PTCHD4: variants seen among roughly 807,000 people sequenced by gnomAD.
The protein encoded by PTCHD4 is patched domain-containing protein 4.
Under a neutral mutation model 58.1 loss-of-function variants are expected in PTCHD4, and 33 were observed. The ratio of observed to expected loss-of-function variants is 0.57; its 90% CI spans 0.43 to 0.76. PTCHD4 has a LOEUF of 0.76. Among genes scored for constraint, PTCHD4 ranks in the 30% least tolerant of loss-of-function variants. PTCHD4 has a pLI of 0.00. For synonymous variants in PTCHD4, 478 were observed against 409.6 expected (o/e 1.17, Z -2.02); for missense variants, 1,058 against 1,027.1 (o/e 1.03, Z -0.41).
At chr6:47,905,043 T>TCACACACACACA (rs70999653) in intron 4 of PTCHD4, among the ~76,000 whole-genome samples, 11,836 of 131,408 alleles carry the variant, frequency 0.09, 734 homozygotes, top group East Asian at 0.23. Context: ...AATACAGCCA[T>TCACACACACACA]CACACACACA....
intron 3 of PTCHD4, among the ~76,000 whole-genome samples, chr6:48,016,981 T>C (rs1043159454): frequency 1.3e-5 from 2 of 152,226 alleles, no homozygotes; most frequent in African/African-American, 4.8e-5. Flanking sequence ...TCAGATTTCA[T>C]TGATTTTCCA....
chr6:48,077,997 A>G (rs1765092113), intron 1 of PTCHD4, among the ~76,000 whole-genome samples: 1 of 152,216 alleles, frequency 6.6e-6, no homozygotes, highest in Non-Finnish European at 1.5e-5. Context: ...GACACCAATA[A>G]ACTCGTTCAA....
At chr6:47,900,297 T>C (rs1764657466) in intron 4 of PTCHD4, 1 of 152,208 alleles carries the variant, frequency 6.6e-6, no homozygotes. Flanking sequence ...GTTATTGCCT[T>C]ACTTCTTGAT....
rs75916808 is a variant in PTCHD4 at position 48,030,606 on chromosome 6, C to T, written c.418-21492G>A. 2.1e-3 allele frequency among the ~76,000 whole-genome samples: 319 copies of T among 152,210 alleles called. 1 individual carries two copies. The highest frequency in any genetic ancestry group is 6.5e-3 in the African/African-American group (271 of 41,534). On this transcript the variant is annotated intron_variant, in intron 3 of 4. Transcript: ENST00000339488. ...CTTTCATGTCTGCTGCTGTGTAGGC[C>T]ACTCAGAACATTCACCAGAATACCC... is the stretch of plus-strand genomic sequence containing the variant.
rs139545401 is a variant in PTCHD4 at position 47,984,019 on chromosome 6, G to A, written c.898+24615C>T. Among the ~76,000 whole-genome samples, 799 of 152,108 alleles carry A rather than the reference G, an allele frequency of 5.3e-3. 4 individuals carry two copies. The highest frequency in any genetic ancestry group is 8.4e-3 in the Non-Finnish European group (571 of 67,970). On this transcript the variant is annotated intron_variant, in intron 4 of 4. Coordinates refer to ENST00000339488, the MANE Select transcript of PTCHD4 (RefSeq NM_001384253.1). ...GTATTAGAAATAATATGCTGTAAATGCTTTGTGACAAACATCATCAATAAG... is the reference window on the plus strand; with the variant it reads ...GTATTAGAAATAATATGCTGTAAATACTTTGTGACAAACATCATCAATAAG...
At chr6:48,103,331 C>T (rs1403070342) in intron 1 of PTCHD4, among the ~76,000 whole-genome samples, 1 of 152,140 alleles carries the variant, frequency 6.6e-6, no homozygotes, top group African/African-American at 2.4e-5. Flanking sequence ...CTGCTGATAC[C>T]CAGGCAAACA....
At chr6:48,049,686 A>G (rs1345949453) in intron 3 of PTCHD4, among the ~76,000 whole-genome samples, 1 of 151,924 alleles carries the variant, frequency 6.6e-6, no homozygotes, top group South Asian at 2.1e-4. Context: ...ATCCATCATT[A>G]GGCCTTTACT....
intron 4 of PTCHD4, among the ~76,000 whole-genome samples, chr6:47,959,852 AG>A (rs372539213): frequency 1.3e-4 from 20 of 150,546 alleles, no homozygotes; most frequent in African/African-American, 4.7e-4. Flanking sequence ...AAATGTTAAA[AG>A]GAGTCTTCCA....
chr6:47,922,692 C>A (rs888976558), intron 4 of PTCHD4, among the ~76,000 whole-genome samples: 2 of 152,222 alleles, frequency 1.3e-5, no homozygotes, highest in African/African-American at 4.8e-5. Context: ...ATGTTCACAG[C>A]TGGCTGGTCA....
At chr6:48,033,289 A>T (rs150689263) in intron 3 of PTCHD4, among the ~76,000 whole-genome samples, 317 of 152,210 alleles carry the variant, frequency 2.1e-3, no homozygotes, top group African/African-American at 6.5e-3. Context: ...GATTGCAAGA[A>T]GCTGAGAGTG....
At chr6:47,936,030 T>A (rs1348772099) in intron 4 of PTCHD4, among the ~76,000 whole-genome samples, 2 of 152,154 alleles carry the variant, frequency 1.3e-5, no homozygotes, top group Non-Finnish European at 2.9e-5. Flanking sequence ...TTGAGTCTTA[T>A]CCTGAGTGAG....
chr6:47,934,235 C>T (rs1278613636), intron 4 of PTCHD4, among the ~76,000 whole-genome samples: 1 of 152,126 alleles, frequency 6.6e-6, no homozygotes, highest in Non-Finnish European at 1.5e-5. Flanking sequence ...AAGCTGCAGG[C>T]GGGAAGTGCT....
intron 4 of PTCHD4, among the ~76,000 whole-genome samples, chr6:47,969,139 A>G (rs1388108911): frequency 6.6e-6 from 1 of 152,234 alleles, no homozygotes; most frequent in Non-Finnish European, 1.5e-5. Flanking sequence ...CAGAGAAAGG[A>G]CTACAACTTA....
chr6:48,069,140 A>AGC lies in PTCHD4; in HGVS notation c.-184_-183insGC, dbSNP rs1245258493. Among the ~76,000 whole-genome samples, 9,375 of 47,112 alleles carry AGC rather than the reference A, an allele frequency of 0.2. 715 individuals carry two copies. Among genetic ancestry groups the AGC allele is most frequent in the East Asian group, 0.29 (289 of 990 alleles). The allele number at this position is 47,112 out of a possible 152,430, so 30.9% of individuals were successfully genotyped here. A position where few individuals can be genotyped will look rare whatever the true frequency, so the allele number is the denominator to read the frequency against. Reference sequence around the variant, plus strand: ...TAAGAAGCAGACATGTGCCCCATAAAGGGGGGGGGGGCTGAGGGGGGGAGA... The same window carrying AGC: ...TAAGAAGCAGACATGTGCCCCATAAAGCGGGGGGGGGGGCTGAGGGGGGGAGA... On this transcript the variant is annotated 5_prime_UTR_variant, in exon 2 of 5. The change abolishes the stop of an existing upstream ORF in the 5' untranslated region. Coordinates refer to ENST00000339488, the MANE Select transcript of PTCHD4 (RefSeq NM_001384253.1).
chr6:47,901,829 C>T, intron 4 of PTCHD4: 15 of 1,292,226 alleles, frequency 1.2e-5, no homozygotes, highest in Non-Finnish European at 1.4e-5. Flanking sequence ...TATAATCTTC[C>T]AAATGTGATA....
chr6:47,935,689 A>G (rs1765973511), intron 4 of PTCHD4, among the ~76,000 whole-genome samples: 1 of 152,176 alleles, frequency 6.6e-6, no homozygotes. Context: ...CATTTATTCA[A>G]CAAATATATA....
At chr6:48,042,405 T>A (rs191543126) in intron 3 of PTCHD4, among the ~76,000 whole-genome samples, 5 of 152,118 alleles carry the variant, frequency 3.3e-5, no homozygotes, top group Admixed American at 3.3e-4. Flanking sequence ...TTATTTAATC[T>A]TCAAAATAAG....
In PTCHD4 at chr6:48,050,060, A is replaced by C. The variant is rs542756207; in HGVS notation, c.417+18170T>G. On this transcript the variant is annotated intron_variant, in intron 3 of 4. Coordinates refer to ENST00000339488, the MANE Select transcript of PTCHD4 (RefSeq NM_001384253.1). Reference sequence around the variant, plus strand: ...TAGGTATCAACATGGCTTATTAAGAAAAGAAGAATTATGTAAGGTCATTCT... The same window carrying C: ...TAGGTATCAACATGGCTTATTAAGACAAGAAGAATTATGTAAGGTCATTCT... Among the ~76,000 whole-genome samples the C allele has an allele frequency of 1.4e-4, 22 of 152,132 alleles. No homozygotes were observed. The South Asian group carries it at 4.4e-3, about 30-fold the overall frequency.
chr6:48,044,908 G>A (rs1175601199), intron 3 of PTCHD4, among the ~76,000 whole-genome samples: 2 of 151,768 alleles, frequency 1.3e-5, no homozygotes, highest in Admixed American at 6.6e-5. Flanking sequence ...TACAATTCTA[G>A]GTAGAATTTG....
Sources: gnomAD v4.1 joint callset for allele counts (sites outside exome capture counted in the v4.1 genomes callset) on GRCh38, gnomAD v4.1.1 for gene constraint, MANE v1.5 for transcripts, NCBI Gene and HGNC (gene_info 2026-07-23, HGNC 2026-07-21) for gene names.